The following HNRNPD variants were observed in gnomAD, a reference collection of about 807,000 sequenced individuals.
The protein encoded by HNRNPD is heterogeneous nuclear ribonucleoprotein D, also known as heterogeneous nuclear ribonucleoprotein D0.
In HNRNPD, 3 loss-of-function variants were observed where a neutral mutation model predicts 47.9. The ratio of observed to expected loss-of-function variants is 0.06; its 90% confidence interval spans 0.03 to 0.16. The LOEUF is 0.16. HNRNPD is among the 10% of genes least tolerant of loss of function. HNRNPD has a pLI of 1.00. For synonymous variants in HNRNPD, 171 were observed against 165.1 expected, an observed-to-expected ratio of 1.04 and a Z score of -0.28; for missense variants, 287 against 454.2, an observed-to-expected ratio of 0.63 and a Z score of 3.35.
At chr4:82,373,399 G>A (rs1021018477) in intron 1 of HNRNPD, 47 bp downstream of exon 1, 5 of 1,521,886 alleles carry the variant, frequency 3.3e-6, no homozygotes, top group East Asian at 4.9e-5. Context: ...TAAAGAGGGG[G>A]AGGGGGACTA....
intron 2 of HNRNPD, among the ~76,000 whole-genome samples, chr4:82,364,246 C>T (rs1719633517): frequency 6.6e-6 from 1 of 152,172 alleles, no homozygotes; most frequent in South Asian, 2.1e-4. Context: ...GAATTCCAAA[C>T]ATGAACCACT....
At position 82,373,551 on chromosome 4, in the gene HNRNPD, C is replaced by G. The variant is rs1251583071; in HGVS notation, c.128G>C (p.Ser43Thr). The change falls in exon 1 of 9, where the codon AGC becomes ACC. Residue 43 changes from serine (S) to threonine (T), a missense_variant. Ser to Thr is a moderately conservative substitution (Grantham distance 58). Transcript: ENST00000313899. ...GGTTCCGCCCCCGGTCCCGGCTCCG[C>G]TTCCCGCCGCCGCCGCTGCCCCCTG... Reference protein sequence around the residue: ...ATQGAAAAAGSGAGTGGGTAS... With the variant: ...ATQGAAAAAGTGAGTGGGTAS... 1 of 1,539,974 alleles carries G rather than the reference C, an allele frequency of 6.5e-7. No homozygotes were observed. The highest frequency in any genetic ancestry group is 2.0e-5 in the Admixed American group (1 of 50,110).
intron 4 of HNRNPD, 73 bp from the exon 5 acceptor site, chr4:82,357,517 G>T: frequency 7.7e-7 from 1 of 1,296,302 alleles, no homozygotes; most frequent in Non-Finnish European, 1.1e-6. Flanking sequence ...AAGTTTAGAG[G>T]GGGGAAAACA....
At chr4:82,360,372 T>C (rs1198872288) in intron 2 of HNRNPD, among the ~76,000 whole-genome samples, 4 of 151,908 alleles carry the variant, frequency 2.6e-5, no homozygotes, top group Non-Finnish European at 5.9e-5. Flanking sequence ...CAAACGTATA[T>C]ACTCAAAATA....
chr4:82,368,617 C>G (rs1399252848), intron 2 of HNRNPD, among the ~76,000 whole-genome samples: 1 of 152,120 alleles, frequency 6.6e-6, no homozygotes, highest in Non-Finnish European at 1.5e-5. Context: ...GAATTTTTAA[C>G]TCGGGAAATT....
Position 82,359,587 on chromosome 4 carries a change from C to T in HNRNPD, c.343G>A (p.Asp115Asn). ...SWDTTKKDLK[D>N]YFSKFGEVVD... The stretch of plus-strand genomic sequence containing the variant: ...ACTTCACCAAATTTGGAAAAGTAGT[C>T]CTTCAGATCTTTCTTTGTAGTGTCC... The change falls in exon 3 of 9, where the codon GAC becomes AAC. Residue 115 changes from aspartate (D) to asparagine (N), a missense_variant. Around this residue, in one of 5 missense-constraint regions of HNRNPD, gnomAD observed 22 missense variants for 74.6 expected, o/e 0.30. Transcript: ENST00000313899. 1 of 1,601,240 alleles carries T rather than the reference C, an allele frequency of 6.2e-7. No homozygotes were observed. The highest frequency in any genetic ancestry group is 8.5e-7 in the Non-Finnish European group (1 of 1,170,038).
chr4:82,357,710 C>A, intron 4 of HNRNPD: 1 of 259,272 alleles, frequency 3.9e-6, no homozygotes, highest in East Asian at 7.4e-5. Context: ...GTCACAAATT[C>A]AAATGCCCAC....
rs777691534 is a variant in HNRNPD, at chr4:82,358,729, A to T, written c.551T>A (p.Ile184Asn). ...ATCTGGAGAAAGGCCACCAACAAAA[A>T]TTTTTTTAACCGGCTCTTTTGTTTT... ...AMKTKEPVKK[I>N]FVGGLSPDTP... Residue 184 changes from isoleucine to asparagine, a missense_variant, in exon 4 of 9, where the codon ATT becomes AAT. This residue lies in a region of HNRNPD where 39 missense variants were observed against 113.1 expected (regional missense o/e 0.34). Transcript: ENST00000313899. The T allele has an allele frequency of 6.2e-7, 1 of 1,612,640 alleles. No homozygotes were observed. Among genetic ancestry groups the T allele is most frequent in the Admixed American group, 1.7e-5 (1 of 60,000 alleles).
At chr4:82,373,083 G>A in intron 1 of HNRNPD, 1 of 495,668 alleles carries the variant, frequency 2.0e-6, no homozygotes, top group Non-Finnish European at 3.9e-6. Context: ...TAGAAAAAGG[G>A]AAAAAGAGGG....
chr4:82,371,929 A>T (rs1035001605), intron 1 of HNRNPD, among the ~76,000 whole-genome samples: 1 of 152,000 alleles, frequency 6.6e-6, no homozygotes, highest in African/African-American at 2.4e-5. Context: ...TTCCCTTCCC[A>T]CCACCACTCC....
chr4:82,355,050 T>C, intron 8 of HNRNPD: 1 of 468,744 alleles, frequency 2.1e-6, no homozygotes, highest in Non-Finnish European at 3.8e-6. Flanking sequence ...GGCAATACTT[T>C]TTTGCTGCAA....
Position 82,352,745 on chromosome 4 carries a change from G to A in HNRNPD, c.*1440C>T, listed in dbSNP as rs1009167777. The A allele has an allele frequency of 1.3e-5, 2 of 152,130 alleles. No individual in the cohort carries two copies. Among genetic ancestry groups the A allele is most frequent in the African/African-American group, 4.8e-5 (2 of 41,406 alleles). 9.4% of individuals were successfully genotyped at this position (152,130 alleles called of 1,614,324 possible). On this transcript the variant is annotated 3_prime_UTR_variant, in exon 9 of 9. Transcript: ENST00000313899. ...AACATAAACAAATGAGCATAGCTGG[G>A]TTGCAATCTTATAAAAACAGGACAC...
At chr4:82,373,374 C>A in intron 1 of HNRNPD, 72 bp downstream of exon 1, 1 of 1,487,188 alleles carries the variant, frequency 6.7e-7, no homozygotes, top group Non-Finnish European at 9.0e-7. Context: ...GGAACCAGGC[C>A]TAATGGCGGG....
intron 2 of HNRNPD, among the ~76,000 whole-genome samples, chr4:82,369,881 G>A (rs1475445822): frequency 2.0e-5 from 3 of 152,166 alleles, no homozygotes; most frequent in Non-Finnish European, 2.9e-5. Context: ...AGTGGCTCAC[G>A]CCTGTGATTA....
chr4:82,365,368 C>T (rs1161982435), intron 2 of HNRNPD, among the ~76,000 whole-genome samples: 1 of 152,150 alleles, frequency 6.6e-6, no homozygotes, highest in Admixed American at 6.5e-5. Context: ...TAAATCCTTA[C>T]TGAATTTTTC....
intron 2 of HNRNPD, among the ~76,000 whole-genome samples, chr4:82,367,046 T>A (rs1431902548): frequency 2.7e-4 from 38 of 138,230 alleles, no homozygotes; most frequent in Non-Finnish European, 5.2e-4. Flanking sequence ...TTTTTTTTTT[T>A]AAAGAAACAG....
rs931637961 is a variant in HNRNPD, at chr4:82,352,891, A to C, written c.*1294T>G. ...CAGATGTAACTCCACAAAAGTAAGAAAGGTATTCCATCACTTCACTACTAT... is the reference window on the plus strand; with the variant it reads ...CAGATGTAACTCCACAAAAGTAAGACAGGTATTCCATCACTTCACTACTAT... On this transcript the variant is annotated 3_prime_UTR_variant, in exon 9 of 9. Coordinates refer to ENST00000313899, the MANE Select transcript of HNRNPD (RefSeq NM_031370.3). 1.3e-5 allele frequency: 2 copies of C among 152,234 alleles called. No homozygotes were observed. The highest frequency in any genetic ancestry group is 2.4e-5 in the African/African-American group (1 of 41,458). 9.4% of individuals were successfully genotyped at this position (152,234 alleles called of 1,614,324 possible). A position where few individuals can be genotyped will look rare whatever the true frequency, so the allele number is the denominator to read the frequency against.
chr4:82,363,911 A>G (rs1280627219), intron 2 of HNRNPD, among the ~76,000 whole-genome samples: 3 of 152,190 alleles, frequency 2.0e-5, no homozygotes, highest in African/African-American at 7.2e-5. Context: ...TTTGTGGGAC[A>G]TTTTATCATC....
intron 2 of HNRNPD, among the ~76,000 whole-genome samples, chr4:82,365,456 G>T (rs1719701299): frequency 6.6e-6 from 1 of 151,902 alleles, no homozygotes; most frequent in Admixed American, 6.6e-5. Context: ...TTACCTAAGG[G>T]GAAGGGAGGA....
Sources: allele counts gnomAD v4.1 joint callset (sites outside exome capture counted in the v4.1 genomes callset), GRCh38; gene constraint gnomAD v4.1.1; regional missense constraint gnomAD v4.1.1; transcripts MANE v1.5; gene names NCBI Gene and HGNC (gene_info 2026-07-23, HGNC 2026-07-21).